The following PLCXD2 variants were observed in gnomAD, a reference collection of about 807,000 sequenced individuals.
The protein encoded by PLCXD2 is PI-PLC X domain-containing protein 2.
Under a neutral mutation model 28.6 loss-of-function variants are expected in PLCXD2, and 21 were observed. The observed-to-expected ratio is 0.73, with a 90% CI of 0.52 to 1.06. The LOEUF (loss-of-function observed/expected upper bound fraction) is 1.06, where lower values mean the gene tolerates loss of function less well. PLCXD2 is among the 50% of genes least tolerant of loss of function. The probability of loss-of-function intolerance (pLI) is 0.00; values close to 1 mark genes in which losing one functional copy is unlikely to be tolerated. For synonymous variants in PLCXD2, 140 were observed against 150.1 expected, an observed-to-expected ratio of 0.93 and a Z score of 0.49; for missense variants, 369 against 376.7, an observed-to-expected ratio of 0.98 and a Z score of 0.17.
intron 1 of PLCXD2, 78 bp downstream of exon 1, chr3:111,675,486 C>A: frequency 6.5e-7 from 1 of 1,530,992 alleles, no homozygotes; most frequent in African/African-American, 1.4e-5. Context: ...GGTTGCTTTT[C>A]TATTGTGCTG....
intron 3 of PLCXD2, among the ~76,000 whole-genome samples, chr3:111,716,496 A>G (rs1171937760): frequency 6.6e-6 from 1 of 152,256 alleles, no homozygotes; most frequent in Non-Finnish European, 1.5e-5. Flanking sequence ...CACAAGAAAT[A>G]TAGCCATTTG....
intron 2 of PLCXD2, 105 bp from the exon 3 acceptor site, chr3:111,713,782 T>G: frequency 7.9e-7 from 1 of 1,264,202 alleles, no homozygotes; most frequent in Non-Finnish European, 1.1e-6. Flanking sequence ...TTTCCACATA[T>G]GATTATATTT....
intron 2 of PLCXD2, 48 bp from the exon 3 acceptor site, chr3:111,713,839 T>A: frequency 6.3e-7 from 1 of 1,586,276 alleles, no homozygotes; most frequent in East Asian, 2.2e-5. Flanking sequence ...GAGTTAACAT[T>A]CAGCATTTTT....
intron 1 of PLCXD2, among the ~76,000 whole-genome samples, chr3:111,688,398 T>G (rs1455369370): frequency 6.6e-6 from 1 of 152,240 alleles, no homozygotes; most frequent in African/African-American, 2.4e-5. Context: ...AATTTCCAAA[T>G]GTGGAGCTTC....
intron 3 of PLCXD2, chr3:111,723,136 G>T (rs779464776): frequency 6.6e-6 from 1 of 151,972 alleles, no homozygotes; most frequent in African/African-American, 2.4e-5. Context: ...TTAATTTTTG[G>T]TCAATTGCTA....
chr3:111,718,706 G>C (rs764199214), intron 3 of PLCXD2, among the ~76,000 whole-genome samples: 1 of 152,154 alleles, frequency 6.6e-6, no homozygotes, highest in Non-Finnish European at 1.5e-5. Flanking sequence ...GTCAAGATAT[G>C]TGCTGAAAGA....
chr3:111,718,585 TGAGA>T (rs1162569731), intron 3 of PLCXD2, among the ~76,000 whole-genome samples: 1 of 152,014 alleles, frequency 6.6e-6, no homozygotes, highest in African/African-American at 2.4e-5. Flanking sequence ...TAGAGTCCAC[TGAGA>T]GAGGGAGGAG....
intron 1 of PLCXD2, among the ~76,000 whole-genome samples, chr3:111,684,056 G>T (rs544991459): frequency 3.3e-5 from 5 of 152,138 alleles, no homozygotes; most frequent in African/African-American, 1.2e-4. Context: ...GTTAGGCCAG[G>T]CGTGGTGGCT....
chr3:111,682,436 T>C (rs1331943049), intron 1 of PLCXD2, among the ~76,000 whole-genome samples: 2 of 152,238 alleles, frequency 1.3e-5, no homozygotes, highest in Non-Finnish European at 2.9e-5. Flanking sequence ...CCAATTACTC[T>C]AGAACTGTCA....
intron 3 of PLCXD2, among the ~76,000 whole-genome samples, chr3:111,718,052 TTTTG>T: frequency 6.6e-6 from 1 of 152,348 alleles, no homozygotes; most frequent in Non-Finnish European, 1.5e-5. Flanking sequence ...ACATGTATTA[TTTTG>T]TTTAATTCCC....
intron 1 of PLCXD2, among the ~76,000 whole-genome samples, chr3:111,691,766 A>G (rs2107847312): frequency 6.6e-6 from 1 of 152,304 alleles, no homozygotes; most frequent in Non-Finnish European, 1.5e-5. Context: ...GCCACATGCA[A>G]TCTTTGCAAC....
At chr3:111,697,229 G>A (rs1324416152) in intron 1 of PLCXD2, among the ~76,000 whole-genome samples, 1 of 152,138 alleles carries the variant, frequency 6.6e-6, no homozygotes, top group Admixed American at 6.5e-5. Flanking sequence ...TTGTCAAAAA[G>A]ATGGAGAATG....
intron 1 of PLCXD2, among the ~76,000 whole-genome samples, chr3:111,689,994 T>C (rs962576819): frequency 6.6e-6 from 1 of 152,190 alleles, no homozygotes; most frequent in African/African-American, 2.4e-5. Context: ...TGCTGTTTGA[T>C]TTATATAAAG....
At chr3:111,715,313 T>G (rs1179097359) in intron 3 of PLCXD2, among the ~76,000 whole-genome samples, 2 of 152,228 alleles carry the variant, frequency 1.3e-5, no homozygotes, top group Admixed American at 6.5e-5. Flanking sequence ...ACTGTTTTCC[T>G]CATGCCTCTG....
intron 1 of PLCXD2, among the ~76,000 whole-genome samples, chr3:111,685,710 C>T (rs1940784914): frequency 6.6e-6 from 1 of 152,150 alleles, no homozygotes; most frequent in Non-Finnish European, 1.5e-5. Context: ...GTGCCCCTTG[C>T]AAGGGGTTAC....
intron 1 of PLCXD2, among the ~76,000 whole-genome samples, chr3:111,682,268 A>G (rs1576452870): frequency 6.6e-6 from 1 of 152,320 alleles, no homozygotes; most frequent in East Asian, 1.9e-4. Context: ...GGTAACTTCA[A>G]GATAAAAGAG....
chr3:111,692,925 C>T (rs1940908568), intron 1 of PLCXD2, among the ~76,000 whole-genome samples: 1 of 152,120 alleles, frequency 6.6e-6, no homozygotes. Flanking sequence ...CTTTAAATGT[C>T]AGTGGAAGTG....
intron 1 of PLCXD2, among the ~76,000 whole-genome samples, chr3:111,699,150 G>A (rs892293774): frequency 1.3e-5 from 2 of 152,072 alleles, no homozygotes; most frequent in African/African-American, 4.8e-5. Context: ...CTTTGACTTA[G>A]GGTCACCATC....
intron 2 of PLCXD2, among the ~76,000 whole-genome samples, chr3:111,709,483 C>T (rs1479668265): frequency 2.0e-5 from 3 of 151,648 alleles, no homozygotes; most frequent in Non-Finnish European, 4.4e-5. Context: ...CACACACACA[C>T]GCACACACAC....
Sources: allele counts gnomAD v4.1 joint callset (sites outside exome capture counted in the v4.1 genomes callset), GRCh38; gene constraint gnomAD v4.1.1; transcripts MANE v1.5; gene names NCBI Gene and HGNC (gene_info 2026-07-23, HGNC 2026-07-21).